Variants in PDE3A observed in about 807,000 individuals in gnomAD.
PDE3A encodes cGMP-inhibited 3',5'-cyclic phosphodiesterase 3A.
PDE3A carries 43 observed loss-of-function variants against 98.3 expected under a neutral mutation model. That is an observed-to-expected ratio of 0.44 (90% CI 0.34 to 0.56). PDE3A has a LOEUF of 0.56. Ranked by LOEUF, PDE3A falls within the 20% of genes least tolerant of loss-of-function variation. The pLI is 0.01. For synonymous variants in PDE3A, 663 were observed against 567.9 expected (o/e 1.17, Z -2.38); for missense variants, 1,427 against 1,440.7 (o/e 0.99, Z 0.15).
chr12:20,370,219 C>G lies in PDE3A; in HGVS notation c.935C>G (p.Ser312Cys). ...AGCAGCAAGTCCCATCGGAGGACCT[C>G]CCTGCCCTGTATACCGAGGGAACAG... Reference protein sequence around the residue: ...GCSSKSHRRTSLPCIPREQLM... With the variant: ...GCSSKSHRRTCLPCIPREQLM... Residue 312 changes from serine to cysteine, a missense_variant, in exon 1 of 16, where the codon TCC becomes TGC. Coordinates refer to ENST00000359062, the MANE Select transcript of PDE3A (RefSeq NM_000921.5). 6.3e-7 allele frequency: 1 copy of G among 1,588,798 alleles called. No individual in the cohort carries two copies. Among genetic ancestry groups the G allele is most frequent in the Non-Finnish European group, 8.6e-7 (1 of 1,169,328 alleles).
intron 2 of PDE3A, among the ~76,000 whole-genome samples, chr12:20,608,299 T>C (rs1943764359): frequency 1.3e-5 from 2 of 152,022 alleles, no homozygotes; most frequent in African/African-American, 4.8e-5. Context: ...TTACGTGTGA[T>C]GTGTCTGTTG....
intron 15 of PDE3A, among the ~76,000 whole-genome samples, chr12:20,659,423 T>C (rs1945110273): frequency 6.6e-6 from 1 of 152,134 alleles, no homozygotes; most frequent in African/African-American, 2.4e-5. Flanking sequence ...GTCACCCCCA[T>C]AGAAATTGGC....
At chr12:20,475,477 C>T (rs1945515884) in intron 1 of PDE3A, among the ~76,000 whole-genome samples, 2 of 151,988 alleles carry the variant, frequency 1.3e-5, no homozygotes, top group South Asian at 2.1e-4. Flanking sequence ...GCCTGTCATC[C>T]CAGCACTTTG....
intron 1 of PDE3A, among the ~76,000 whole-genome samples, chr12:20,489,632 A>G (rs61912065): frequency 0.27 from 41,124 of 152,138 alleles, 7,247 homozygotes; most frequent in East Asian, 0.68. Context: ...TATATATGTG[A>G]TCATAAGATA....
intron 1 of PDE3A, among the ~76,000 whole-genome samples, chr12:20,550,619 T>C (rs939031718): frequency 6.6e-6 from 1 of 152,058 alleles, no homozygotes; most frequent in African/African-American, 2.4e-5. Flanking sequence ...AGCATTCAAT[T>C]TTATATAATG....
chr12:20,671,355 T>C (rs373702114), intron 15 of PDE3A, among the ~76,000 whole-genome samples: 26 of 152,230 alleles, frequency 1.7e-4, no homozygotes, highest in African/African-American at 4.8e-4. Flanking sequence ...TTTATGAGGC[T>C]AGCATCATCC....
intron 1 of PDE3A, among the ~76,000 whole-genome samples, chr12:20,519,757 T>C (rs1425998168): frequency 1.3e-5 from 2 of 152,130 alleles, no homozygotes; most frequent in African/African-American, 4.8e-5. Flanking sequence ...GTTGATTGAT[T>C]TTCTCAGTCC....
intron 1 of PDE3A, among the ~76,000 whole-genome samples, chr12:20,418,037 A>G (rs918640778): frequency 6.6e-6 from 1 of 152,004 alleles, no homozygotes; most frequent in Non-Finnish European, 1.5e-5. Flanking sequence ...TCACTGAGCT[A>G]TTCTAGTTTT....
chr12:20,453,617 C>T (rs770823775), intron 1 of PDE3A, among the ~76,000 whole-genome samples: 1 of 151,988 alleles, frequency 6.6e-6, no homozygotes, highest in Non-Finnish European at 1.5e-5. Flanking sequence ...CTTAAAGGAG[C>T]CAGAGAGGAA....
At chr12:20,476,866 A>G (rs74066449) in intron 1 of PDE3A, among the ~76,000 whole-genome samples, 20,458 of 152,236 alleles carry the variant, frequency 0.13, 2,063 homozygotes, top group African/African-American at 0.29. Flanking sequence ...TAAAGTATAC[A>G]TTGAAAATTA....
At chr12:20,665,244 G>A (rs1565468811) in intron 15 of PDE3A, among the ~76,000 whole-genome samples, 1 of 152,168 alleles carries the variant, frequency 6.6e-6, no homozygotes, top group South Asian at 2.1e-4. Flanking sequence ...TAGAACTGAG[G>A]ACAACATTTT....
At chr12:20,575,169 G>A (rs1942900602) in intron 2 of PDE3A, among the ~76,000 whole-genome samples, 1 of 151,930 alleles carries the variant, frequency 6.6e-6, no homozygotes, top group African/African-American at 2.4e-5. Flanking sequence ...TAGTAATTTT[G>A]ATGTCCTGTA....
intron 1 of PDE3A, among the ~76,000 whole-genome samples, chr12:20,471,400 A>C (rs1945437938): frequency 6.6e-6 from 1 of 152,116 alleles, no homozygotes; most frequent in African/African-American, 2.4e-5. Flanking sequence ...AGAGCTCCCC[A>C]GGTGAGTCTA....
chr12:20,467,705 G>T (rs1313806253), intron 1 of PDE3A, among the ~76,000 whole-genome samples: 1 of 151,910 alleles, frequency 6.6e-6, no homozygotes, highest in Non-Finnish European at 1.5e-5. Context: ...GGGAGGCCAA[G>T]GTGGGTGGAT....
At chr12:20,470,823 T>A (rs573745335) in intron 1 of PDE3A, among the ~76,000 whole-genome samples, 1 of 152,136 alleles carries the variant, frequency 6.6e-6, no homozygotes, top group East Asian at 1.9e-4. Context: ...TATGTGATGG[T>A]ATTTGGTGAA....
At chr12:20,650,629 A>T (rs780621422) in intron 14 of PDE3A, 29 bp downstream of exon 14, 25 of 1,473,294 alleles carry the variant, frequency 1.7e-5, no homozygotes, top group Admixed American at 6.9e-5. Flanking sequence ...ATACAGCTTA[A>T]TCTGTACTTA....
At chr12:20,372,999 C>T (rs1442776550) in intron 1 of PDE3A, among the ~76,000 whole-genome samples, 1 of 152,056 alleles carries the variant, frequency 6.6e-6, no homozygotes, top group Non-Finnish European at 1.5e-5. Context: ...TAAAAATTCT[C>T]ATAAGAGAAA....
At chr12:20,643,332 G>T (rs1432636718) in intron 10 of PDE3A, among the ~76,000 whole-genome samples, 1 of 148,768 alleles carries the variant, frequency 6.7e-6, no homozygotes, top group African/African-American at 2.5e-5. Context: ...GTATTACATA[G>T]AAACCTGTCA....
chr12:20,454,934 C>T (rs1014530243), intron 1 of PDE3A, among the ~76,000 whole-genome samples: 3 of 152,120 alleles, frequency 2.0e-5, no homozygotes, highest in Admixed American at 1.3e-4. Context: ...AATGACCATA[C>T]ATGTGCATTT....
Sources: allele counts gnomAD v4.1 joint callset (sites outside exome capture counted in the v4.1 genomes callset), GRCh38; gene constraint gnomAD v4.1.1; transcripts MANE v1.5; gene names NCBI Gene and HGNC (gene_info 2026-07-23, HGNC 2026-07-21).